The following PCDHGA4 variants were observed in gnomAD, a reference collection of about 807,000 sequenced individuals.
PCDHGA4 encodes protocadherin gamma-A4.
A neutral mutation model predicts 54.6 loss-of-function variants in PCDHGA4; 38 were observed. That is an observed-to-expected ratio of 0.70 (90% CI 0.54 to 0.91). The LOEUF is 0.91. Ranked by LOEUF, PCDHGA4 falls within the 40% of genes least tolerant of loss-of-function variation. PCDHGA4 has a pLI of 0.00. For missense variants in PCDHGA4, 1,298 were observed against 1,220.9 expected (o/e 1.06, Z -0.94); for synonymous variants, 511 against 512.9 (o/e 1.00, Z 0.05).
In PCDHGA4 at chr5:141,372,187, C is replaced by T. The variant is rs368451043; in HGVS notation, c.2514+14566C>T. ...AAGGTGGTGGCGGTGGACGCAGACT[C>T]GGGATACAACGCCTGGCTGTCCTAC... On this transcript the variant is annotated intron_variant, in intron 1 of 3. Coordinates refer to ENST00000571252, the MANE Select transcript of PCDHGA4 (RefSeq NM_018917.4). 5 of 1,613,508 alleles carry T rather than the reference C, an allele frequency of 3.1e-6. No homozygotes were observed. The highest frequency in any genetic ancestry group is 4.2e-6 in the Non-Finnish European group (5 of 1,179,930).
chr5:141,444,043 T>C (rs542828018), intron 1 of PCDHGA4, among the ~76,000 whole-genome samples: 1 of 151,820 alleles, frequency 6.6e-6, no homozygotes, highest in African/African-American at 2.4e-5. Context: ...AATCAGATAA[T>C]TTGGCATCTT....
chr5:141,494,801 C>T lies in PCDHGA4; in HGVS notation c.2515-6C>T, dbSNP rs2099757031. ...CTCAGCCCCTTTCCCTCTGTTTTCTCCACAGCAAGCCCCGCCCAACACGGA... is the reference window on the plus strand; with the variant it reads ...CTCAGCCCCTTTCCCTCTGTTTTCTTCACAGCAAGCCCCGCCCAACACGGA... On this transcript the variant is annotated splice_polypyrimidine_tract_variant and splice_region_variant and intron_variant, in intron 1 of 3. Transcript: ENST00000571252. The T allele has an allele frequency of 6.2e-7, 1 of 1,614,146 alleles. No individual in the cohort carries two copies. The highest frequency in any genetic ancestry group is 2.2e-5 in the East Asian group (1 of 44,880).
chr5:141,510,817 T>C, intron 3 of PCDHGA4, 130 bp from the exon 4 acceptor site: 2 of 1,551,592 alleles, frequency 1.3e-6, no homozygotes, highest in African/African-American at 2.7e-5. Flanking sequence ...GTGACCCCTA[T>C]ATTCCCAGTG....
intron 1 of PCDHGA4, chr5:141,372,039 C>T (rs757866605): frequency 1.2e-6 from 2 of 1,613,468 alleles, no homozygotes; most frequent in Non-Finnish European, 1.7e-6. Flanking sequence ...CGTGAGCCTG[C>T]GCGTGTTGGT....
intron 1 of PCDHGA4, chr5:141,478,613 G>T: frequency 6.4e-7 from 1 of 1,557,312 alleles, no homozygotes; most frequent in African/African-American, 1.4e-5. Flanking sequence ...ATTGAGGAAG[G>T]AATGGAGCTG....
In PCDHGA4 at chr5:141,408,945, G is replaced by A. The variant is rs1176579339; in HGVS notation, c.2514+51324G>A. 21 of 1,613,590 alleles carry A rather than the reference G, an allele frequency of 1.3e-5. No individual in the cohort carries two copies. In the East Asian group the frequency reaches 4.7e-4, roughly 36 times the overall value. Reference sequence around the variant, plus strand: ...CCGGTTTTCAGCAGAGACGAATATAGAATTAGTCTTAGTGAAAATCTGCCC... The same window carrying A: ...CCGGTTTTCAGCAGAGACGAATATAAAATTAGTCTTAGTGAAAATCTGCCC... On this transcript the variant is annotated intron_variant, in intron 1 of 3. Coordinates refer to ENST00000571252, the MANE Select transcript of PCDHGA4 (RefSeq NM_018917.4).
chr5:141,389,647 AG>A, intron 1 of PCDHGA4: 10 of 1,612,908 alleles, frequency 6.2e-6, no homozygotes, highest in Non-Finnish European at 8.5e-6. Flanking sequence ...TTGGTGACCA[AG>A]GTAGTGGCGG....
At chr5:141,383,115 G>A (rs1588935536) in intron 1 of PCDHGA4, 4 of 1,614,078 alleles carry the variant, frequency 2.5e-6, no homozygotes, top group Non-Finnish European at 2.5e-6. Context: ...GAGGTAGGAC[G>A]CAGCTTTTCG....
intron 2 of PCDHGA4, among the ~76,000 whole-genome samples, chr5:141,497,622 C>G (rs1434147255): frequency 6.6e-6 from 1 of 151,538 alleles, no homozygotes; most frequent in African/African-American, 2.4e-5. Context: ...TCACTGCAAC[C>G]TCTGCCTGCC....
chr5:141,415,866 T>A, intron 1 of PCDHGA4: 1 of 1,115,266 alleles, frequency 9.0e-7, no homozygotes, highest in Non-Finnish European at 1.2e-6. Context: ...GTTTATAGTG[T>A]TGTTGAGTAC....
intron 1 of PCDHGA4, chr5:141,426,648 A>G (rs1224402025): frequency 2.4e-6 from 1 of 418,088 alleles, no homozygotes; most frequent in Non-Finnish European, 4.9e-6. Flanking sequence ...AAATGTGATG[A>G]TAGAAGATAT....
At chr5:141,375,176 GT>G (rs1486897870) in intron 1 of PCDHGA4, 1 of 1,614,018 alleles carries the variant, frequency 6.2e-7, no homozygotes, top group South Asian at 1.1e-5. Flanking sequence ...TCCAGGAACA[GT>G]AATCGCCCTT....
Position 141,431,887 on chromosome 5 carries a change from T to G in PCDHGA4, c.2515-62920T>G. ...TTTTAAATGTAAATGACCAAGATTC[T>G]GAGGAAAACGGACAGGTGATCTGTT... On this transcript the variant is annotated intron_variant, in intron 1 of 3. Transcript: ENST00000571252. The surrounding 1 kb of genome is among the most constrained non-coding windows in gnomAD (Gnocchi z 4.8). 6.2e-7 allele frequency: 1 copy of G among 1,614,190 alleles called. No individual in the cohort carries two copies. Among genetic ancestry groups the G allele is most frequent in the Non-Finnish European group, 8.5e-7 (1 of 1,179,996 alleles).
chr5:141,490,612 C>G lies in PCDHGA4; in HGVS notation c.2515-4195C>G, dbSNP rs1393568166. ...CAATGCACCCCGCTTCAACCAGCAG[C>G]TTTACACTGCTTACATCCTAGAAAA... On this transcript the variant is annotated intron_variant, in intron 1 of 3. Coordinates refer to ENST00000571252, the MANE Select transcript of PCDHGA4 (RefSeq NM_018917.4). This position sits in a 1 kb window ranked among gnomAD's most constrained non-coding sequence, Gnocchi z 5.4. The G allele has an allele frequency of 6.2e-7, 1 of 1,614,082 alleles. No homozygotes were observed. Among genetic ancestry groups the G allele is most frequent in the Non-Finnish European group, 8.5e-7 (1 of 1,180,032 alleles).
At chr5:141,375,966 C>A (rs373365863) in intron 1 of PCDHGA4, 4 of 1,613,374 alleles carry the variant, frequency 2.5e-6, no homozygotes, top group Non-Finnish European at 2.5e-6. Context: ...GAGGTGCGCA[C>A]GGCGCGCGCC....
rs61612330 is a variant in PCDHGA4, at chr5:141,454,796, A to ATTTTTTTTTTTTTTTTTTTTTTT, written c.2515-40004_2515-39982dup. Among the ~76,000 whole-genome samples, 6 of 77,456 alleles carry ATTTTTTTTTTTTTTTTTTTTTTT rather than the reference A, an allele frequency of 7.7e-5. 1 individual carries two copies. The highest frequency in any genetic ancestry group is 8.0e-4 in the East Asian group (2 of 2,512). 50.8% of individuals were successfully genotyped at this position (77,456 alleles called of 152,430 possible). Reference sequence around the variant, plus strand: ...AAGGAAATAATCCTCCATGGTTCTAATTTTTTTTTTTTTTTTTTTTTTTTT... The same window carrying ATTTTTTTTTTTTTTTTTTTTTTT: ...AAGGAAATAATCCTCCATGGTTCTAATTTTTTTTTTTTTTTTTTTTTTTTTTTTTTTTTTTTTTTTTTTTTTTT... On this transcript the variant is annotated intron_variant, in intron 1 of 3. Transcript: ENST00000571252.
At chr5:141,360,153 G>T in intron 1 of PCDHGA4, 2 of 1,604,018 alleles carry the variant, frequency 1.2e-6, no homozygotes, top group Non-Finnish European at 1.7e-6. Context: ...CGAGCTCAGG[G>T]AGGTGCGGGC....
At chr5:141,467,649 T>C (rs2099147987) in intron 1 of PCDHGA4, among the ~76,000 whole-genome samples, 1 of 152,146 alleles carries the variant, frequency 6.6e-6, no homozygotes, top group Non-Finnish European at 1.5e-5. Flanking sequence ...TGTACCAAAC[T>C]TCTATAGTGC....
intron 1 of PCDHGA4, chr5:141,428,461 G>A: frequency 2.8e-6 from 1 of 352,014 alleles, no homozygotes; most frequent in South Asian, 2.8e-5. Flanking sequence ...CAACTACAAT[G>A]AGGGAACTTT....
Sources: gnomAD v4.1 joint callset for allele counts (sites outside exome capture counted in the v4.1 genomes callset) on GRCh38, gnomAD v4.1.1 for gene constraint, Gnocchi (gnomAD v3.1) non-coding constraint, MANE v1.5 for transcripts, NCBI Gene and HGNC (gene_info 2026-07-23, HGNC 2026-07-21) for gene names.